SEZ6L2: variants seen among roughly 807,000 people sequenced by gnomAD.
SEZ6L2 encodes seizure related 6 homolog like 2, also known as seizure 6-like protein 2.
Under a neutral mutation model 97.0 loss-of-function variants are expected in SEZ6L2, and 44 were observed. The observed-to-expected ratio is 0.45, with a 90% CI of 0.36 to 0.58. The LOEUF (loss-of-function observed/expected upper bound fraction) is 0.58. Among genes scored for constraint, SEZ6L2 ranks in the 20% least tolerant of loss-of-function variants. The pLI is 0.00. For missense variants in SEZ6L2, 1,086 were observed against 1,233.3 expected, an observed-to-expected ratio of 0.88 and a Z score of 1.79; for synonymous variants, 543 against 546.1, an observed-to-expected ratio of 0.99 and a Z score of 0.08.
At chr16:29,875,492 C>G (rs528967078) in intron 12 of SEZ6L2, among the ~76,000 whole-genome samples, 1 of 152,242 alleles carries the variant, frequency 6.6e-6, no homozygotes, top group Non-Finnish European at 1.5e-5. Flanking sequence ...GAAGCTTTGT[C>G]CAGCCCAAAT....
chr16:29,893,603 T>C (rs949322099), intron 5 of SEZ6L2, among the ~76,000 whole-genome samples: 1 of 143,866 alleles, frequency 7.0e-6, no homozygotes, highest in Non-Finnish European at 1.5e-5. Context: ...GCTGAGGTCA[T>C]CACCACTGCA....
Position 29,887,754 on chromosome 16 carries a change from C to G in SEZ6L2, c.1103G>C (p.Gly368Ala), listed in dbSNP as rs1297062459. 4 of 1,613,502 alleles carry G rather than the reference C, an allele frequency of 2.5e-6. No homozygotes were observed. Among genetic ancestry groups the G allele is most frequent in the Non-Finnish European group, 3.4e-6 (4 of 1,179,816 alleles). Residue 368 changes from glycine to alanine, a missense_variant, in exon 7 of 18, where the codon GGA becomes GCA. Transcript: ENST00000617533. The stretch of plus-strand genomic sequence containing the variant: ...GCAGGTGAGGTTGGGCCCTACGGCT[C>G]CCCCAGGCTCTGGGGACACGATGCG... ...LGRIVSPEPG[G>A]AVGPNLTCRW...
At chr16:29,878,498 C>T in intron 9 of SEZ6L2, 73 bp from the exon 10 acceptor site, 1 of 1,379,380 alleles carries the variant, frequency 7.2e-7, no homozygotes, top group African/African-American at 1.4e-5. Flanking sequence ...GTCCTCACCA[C>T]TCGTGATGCG....
chr16:29,880,277 C>T (rs1028984222), intron 8 of SEZ6L2, among the ~76,000 whole-genome samples: 12 of 152,024 alleles, frequency 7.9e-5, no homozygotes, highest in African/African-American at 2.9e-4. Context: ...ATTCTCATGC[C>T]TCAGCCTCCC....
At position 29,885,688 on chromosome 16, in the gene SEZ6L2, C is replaced by T. The variant is rs547134098; in HGVS notation, c.1270G>A (p.Asp424Asn). ...SPVIYDSDMD[D>N]VPERGLISDA... ...CTGATGAGACCCCGCTCGGGGACAT[C>T]GTCCATGTCCGAATCATAGATCACG... is the stretch of plus-strand genomic sequence containing the variant. Residue 424 changes from aspartate (D) to asparagine (N), a missense_variant, in exon 8 of 18, where the codon GAT (aspartate) becomes AAT (asparagine). Around this residue, in one of 2 missense-constraint regions of SEZ6L2, gnomAD observed 776 missense variants for 794.7 expected, o/e 0.98. Coordinates refer to ENST00000617533, the MANE Select transcript of SEZ6L2 (RefSeq NM_001243332.2). The T allele has an allele frequency of 6.2e-7, 1 of 1,613,908 alleles. No individual in the cohort carries two copies. Among genetic ancestry groups the T allele is most frequent in the East Asian group, 2.2e-5 (1 of 44,870 alleles).
At position 29,872,490 on chromosome 16, in the gene SEZ6L2, C is replaced by A. The variant is rs749988751; in HGVS notation, c.2564G>T (p.Gly855Val). 5.6e-6 allele frequency: 9 copies of A among 1,614,116 alleles called. No individual in the cohort carries two copies. Among genetic ancestry groups the A allele is most frequent in the Admixed American group, 5.0e-5 (3 of 60,002 alleles). ...QTTDPSRQLE[G>V]GNLALAILLP... ...CAGGATGGCCAGGGCCAGGTTCCCCCCTTCCAGCTGCCGTGATGGATCTGT... is the reference window on the plus strand; with the variant it reads ...CAGGATGGCCAGGGCCAGGTTCCCCACTTCCAGCTGCCGTGATGGATCTGT... The change falls in exon 16 of 18, where the codon GGG (glycine) becomes GTG (valine). Residue 855 changes from glycine (G) to valine (V), a missense_variant. Gly to Val is a moderately radical substitution (Grantham distance 109, BLOSUM62 -3). Coordinates refer to ENST00000617533, the MANE Select transcript of SEZ6L2 (RefSeq NM_001243332.2).
chr16:29,891,866 T>C (rs1005286462), intron 5 of SEZ6L2, among the ~76,000 whole-genome samples: 1 of 152,086 alleles, frequency 6.6e-6, no homozygotes, highest in Non-Finnish European at 1.5e-5. Flanking sequence ...GAAAATTAAA[T>C]AAAAGAAACA....
intron 5 of SEZ6L2, among the ~76,000 whole-genome samples, chr16:29,890,835 A>C (rs1421945684): frequency 7.9e-6 from 1 of 125,938 alleles, no homozygotes. Flanking sequence ...TGCAACTTTT[A>C]CCTCCCGGGT....
intron 5 of SEZ6L2, among the ~76,000 whole-genome samples, chr16:29,891,971 G>T (rs557835667): frequency 1.9e-4 from 29 of 152,330 alleles, no homozygotes; most frequent in Admixed American, 5.9e-4. Context: ...GGGACTCGGG[G>T]ATCTGTTGTC....
intron 8 of SEZ6L2, among the ~76,000 whole-genome samples, chr16:29,880,457 T>G (rs1041282641): frequency 6.6e-6 from 1 of 152,000 alleles, no homozygotes; most frequent in South Asian, 2.1e-4. Flanking sequence ...GTAGCTGGGA[T>G]TATAGGCATG....
At chr16:29,881,929 C>CTTT (rs71143761) in intron 8 of SEZ6L2, among the ~76,000 whole-genome samples, 46 of 110,144 alleles carry the variant, frequency 4.2e-4, no homozygotes, top group African/African-American at 1.4e-3. Context: ...CATACCCGGC[C>CTTT]TTTTTTTTTT....
intron 2 of SEZ6L2, 103 bp downstream of exon 2, chr16:29,897,750 C>T (rs1338002744): frequency 1.5e-6 from 2 of 1,337,964 alleles, no homozygotes; most frequent in Non-Finnish European, 2.0e-6. Context: ...CTTTCCTCTG[C>T]AGTCTCTCTC....
intron 8 of SEZ6L2, 84 bp downstream of exon 8, chr16:29,885,502 G>A: frequency 7.0e-7 from 1 of 1,431,658 alleles, no homozygotes. Flanking sequence ...AACAGGCATA[G>A]AGTTTGTGCT....
rs1162001517 is a variant in SEZ6L2, at chr16:29,872,456, T to C, written c.2598A>G (p.Leu866=). 3 of 1,614,106 alleles carry C rather than the reference T, an allele frequency of 1.9e-6. No homozygotes were observed. The highest frequency in any genetic ancestry group is 2.2e-5 in the South Asian group (2 of 91,090). Residue 866 remains leucine (L), a synonymous_variant, in exon 16 of 18, where the codon CTA becomes CTG. Coordinates refer to ENST00000617533, the MANE Select transcript of SEZ6L2 (RefSeq NM_001243332.2). ...GNLALAILLP[L]GLVIVLGSGV... ...CACTGCCGAGGACAATGACCAAGCC[T>C]AGAGGCAGCAGGATGGCCAGGGCCA...
At chr16:29,881,666 T>C (rs1422789472) in intron 8 of SEZ6L2, among the ~76,000 whole-genome samples, 2 of 146,236 alleles carry the variant, frequency 1.4e-5, no homozygotes, top group Admixed American at 1.4e-4. Context: ...TCGCTCTTGT[T>C]GCCCAGGCTG....
Position 29,878,315 on chromosome 16 carries a change from C to T in SEZ6L2, c.1684G>A (p.Glu562Lys), listed in dbSNP as rs763922404. Reference protein sequence around the residue: ...DCVWGVHVQEEKRILLQVEIL... With the variant: ...DCVWGVHVQEKKRILLQVEIL... ...TCAACTTGGAGCAAGATGCGCTTCT[C>T]TTCCTGGACGTGCACGCCCCACACG... Residue 562 changes from glutamate to lysine, a missense_variant, in exon 10 of 18, where the codon GAG becomes AAG. By Grantham distance (56) the Glu-to-Lys change is moderately conservative (BLOSUM62 1). Transcript: ENST00000617533. 1.9e-6 allele frequency: 3 copies of T among 1,596,066 alleles called. No homozygotes were observed. Among genetic ancestry groups the T allele is most frequent in the African/African-American group, 1.3e-5 (1 of 74,512 alleles).
At chr16:29,896,496 C>G (rs2068392494) in intron 3 of SEZ6L2, among the ~76,000 whole-genome samples, 1 of 152,072 alleles carries the variant, frequency 6.6e-6, no homozygotes, top group South Asian at 2.1e-4. Context: ...TCAGGCTGGT[C>G]TCGAACTCCC....
intron 12 of SEZ6L2, among the ~76,000 whole-genome samples, chr16:29,874,277 C>T (rs2067851555): frequency 6.6e-6 from 1 of 152,134 alleles, no homozygotes; most frequent in Admixed American, 6.5e-5. Flanking sequence ...CATACCAGAG[C>T]ATACTAGCCA....
intron 3 of SEZ6L2, among the ~76,000 whole-genome samples, chr16:29,896,266 C>A (rs2068387065): frequency 6.6e-6 from 1 of 151,812 alleles, no homozygotes; most frequent in Admixed American, 6.6e-5. Flanking sequence ...GCCCCCCTCA[C>A]CATCTTTTAT....
Sources: allele counts gnomAD v4.1 joint callset (sites outside exome capture counted in the v4.1 genomes callset), GRCh38; gene constraint gnomAD v4.1.1; regional missense constraint gnomAD v4.1.1; transcripts MANE v1.5; gene names NCBI Gene and HGNC (gene_info 2026-07-23, HGNC 2026-07-21).